VAX2: variants seen among roughly 807,000 people sequenced by gnomAD.
The protein encoded by VAX2 is ventral anterior homeobox 2.
Under a neutral mutation model 12.5 loss-of-function variants are expected in VAX2, and 8 were observed. That is an observed-to-expected ratio of 0.64 (90% CI 0.37 to 1.15). The LOEUF (loss-of-function observed/expected upper bound fraction) is 1.15, where lower values mean the gene tolerates loss of function less well. Ranked by LOEUF, VAX2 falls within the 50% of genes most tolerant of loss-of-function variation. VAX2 has a pLI of 0.01. For missense variants in VAX2, 476 were observed against 412.9 expected, an observed-to-expected ratio of 1.15 and a Z score of -1.32; for synonymous variants, 183 against 187.6, an observed-to-expected ratio of 0.98 and a Z score of 0.20.
chr2:70,923,003 C>A (rs1679492485), intron 2 of VAX2, among the ~76,000 whole-genome samples: 1 of 143,380 alleles, frequency 7.0e-6, no homozygotes, highest in Non-Finnish European at 1.5e-5. Flanking sequence ...CATGGCGTGA[C>A]CTGGAGAGAC....
chr2:70,920,540 C>T (rs1679433921), intron 1 of VAX2, among the ~76,000 whole-genome samples: 1 of 152,056 alleles, frequency 6.6e-6, no homozygotes. Flanking sequence ...GACCTCAGCT[C>T]CCCAGACTGT....
intron 1 of VAX2, among the ~76,000 whole-genome samples, chr2:70,905,900 C>T (rs1012437153): frequency 2.6e-5 from 4 of 152,222 alleles, no homozygotes; most frequent in African/African-American, 7.2e-5. Context: ...CTATGCATCA[C>T]GTTGGCCTGG....
chr2:70,927,650 C>T (rs1679603505), intron 2 of VAX2, among the ~76,000 whole-genome samples: 1 of 152,086 alleles, frequency 6.6e-6, no homozygotes, highest in African/African-American at 2.4e-5. Flanking sequence ...CCCAAAGAAG[C>T]TGGTGGATAA....
At position 70,900,714 on chromosome 2, in the gene VAX2, G is replaced by A. The variant is rs781938562; in HGVS notation, c.93G>A (p.Ala31=). ...GGCGCTGCGGAGACCGCAGCGGAGC[G>A]GGGGACTTGCGAGCTGATGGCGGTG... is the stretch of plus-strand genomic sequence containing the variant. ...GGGRCGDRSG[A]GDLRADGGGH... Residue 31 remains alanine (A), a synonymous_variant, in exon 1 of 3, where the codon GCG becomes GCA. Transcript: ENST00000234392. The A allele has an allele frequency of 1.4e-5, 20 of 1,389,564 alleles. No homozygotes were observed. In the Admixed American group the frequency reaches 5.8e-4, roughly 40 times the overall value. 86.1% of individuals were successfully genotyped at this position (1,389,564 alleles called of 1,614,324 possible). A position where few individuals can be genotyped will look rare whatever the true frequency, so the allele number is the denominator to read the frequency against.
In VAX2 at chr2:70,933,067, C is replaced by T; in HGVS notation, c.736C>T (p.Pro246Ser). 1 of 1,608,728 alleles carries T rather than the reference C, an allele frequency of 6.2e-7. No individual in the cohort carries two copies. The highest frequency in any genetic ancestry group is 8.5e-7 in the Non-Finnish European group (1 of 1,177,806). Residue 246 changes from proline to serine, a missense_variant, in exon 3 of 3, where the codon CCA becomes TCA. Transcript: ENST00000234392. ...GTCCCCCCCACTGCCGCCCCCTCTG[C>T]CAGCTGTCTGCTTTTCCTCGGCCCC... ...SASPPLPPPL[P>S]AVCFSSAPLL...
intron 2 of VAX2, 113 bp downstream of exon 2, chr2:70,921,398 C>T: frequency 1.6e-6 from 2 of 1,229,770 alleles, no homozygotes; most frequent in Non-Finnish European, 2.2e-6. Context: ...GGAGTTCAGA[C>T]AAGCATGAGG....
At chr2:70,902,602 C>G (rs1003810395) in intron 1 of VAX2, among the ~76,000 whole-genome samples, 1 of 152,210 alleles carries the variant, frequency 6.6e-6, no homozygotes, top group Non-Finnish European at 1.5e-5. Flanking sequence ...TTTCTTCCCC[C>G]CAGGACAATT....
chr2:70,923,426 A>T (rs1253222173), intron 2 of VAX2, among the ~76,000 whole-genome samples: 1 of 152,178 alleles, frequency 6.6e-6, no homozygotes, highest in Non-Finnish European at 1.5e-5. Flanking sequence ...GCAGTGCTCC[A>T]ATTCTCCAGC....
chr2:70,923,746 G>A (rs1553413199), intron 2 of VAX2, among the ~76,000 whole-genome samples: 1 of 152,196 alleles, frequency 6.6e-6, no homozygotes, highest in Non-Finnish European at 1.5e-5. Flanking sequence ...AGGGGGAGGT[G>A]CGTGGAGCTC....
chr2:70,927,983 G>A (rs1553413778), intron 2 of VAX2, among the ~76,000 whole-genome samples: 1 of 152,220 alleles, frequency 6.6e-6, no homozygotes, highest in African/African-American at 2.4e-5. Flanking sequence ...CCGCCACCCT[G>A]TGAAGTCGGC....
chr2:70,930,710 A>T (rs35921308), intron 2 of VAX2, among the ~76,000 whole-genome samples: 3,467 of 152,332 alleles, frequency 0.023, 50 homozygotes, highest in Non-Finnish European at 0.032. Context: ...CTGTCTTCTT[A>T]ACCTGGGCAG....
chr2:70,919,664 A>T (rs557808375), intron 1 of VAX2, among the ~76,000 whole-genome samples: 1 of 152,098 alleles, frequency 6.6e-6, no homozygotes, highest in East Asian at 1.9e-4. Context: ...AACACGGTGA[A>T]ATCCCCTATG....
intron 2 of VAX2, chr2:70,924,183 T>G (rs1051368364): frequency 6.6e-6 from 1 of 151,936 alleles, no homozygotes; most frequent in Middle Eastern, 3.4e-3. Context: ...AAAAAGACTA[T>G]AATCCAATCT....
intron 2 of VAX2, among the ~76,000 whole-genome samples, chr2:70,921,932 C>T (rs1350086567): frequency 4.6e-5 from 7 of 152,108 alleles, no homozygotes; most frequent in Non-Finnish European, 8.8e-5. Context: ...AATACTACCA[C>T]TACTACTACT....
chr2:70,923,034 T>TGTGCACGTGTGTGC (rs1159526653), intron 2 of VAX2, among the ~76,000 whole-genome samples: 1 of 152,026 alleles, frequency 6.6e-6, no homozygotes, highest in Non-Finnish European at 1.5e-5. Flanking sequence ...TGTGTGTGTG[T>TGTGCACGTGTGTGC]GCACGTGTGT....
chr2:70,907,657 C>A (rs782667172), intron 1 of VAX2, among the ~76,000 whole-genome samples: 1 of 152,366 alleles, frequency 6.6e-6, no homozygotes, highest in Non-Finnish European at 1.5e-5. Flanking sequence ...CGAGGCACAG[C>A]CTCCGGCAGG....
intron 1 of VAX2, among the ~76,000 whole-genome samples, chr2:70,912,397 C>T (rs1426772741): frequency 6.6e-6 from 1 of 152,188 alleles, no homozygotes; most frequent in African/African-American, 2.4e-5. Flanking sequence ...CATGGTGGCT[C>T]ATGCCTGTAA....
intron 1 of VAX2, among the ~76,000 whole-genome samples, chr2:70,901,129 G>C (rs1207166506): frequency 2.0e-5 from 3 of 152,266 alleles, no homozygotes; most frequent in African/African-American, 7.2e-5. Flanking sequence ...GGCCCATTCG[G>C]AACGGCTACT....
At chr2:70,923,969 TAA>T (rs1270429820) in intron 2 of VAX2, among the ~76,000 whole-genome samples, 1 of 152,064 alleles carries the variant, frequency 6.6e-6, no homozygotes, top group East Asian at 1.9e-4. Context: ...ACCTTATCTC[TAA>T]AAAAAGTTTT....
Sources: gnomAD v4.1 joint callset for allele counts (sites outside exome capture counted in the v4.1 genomes callset) on GRCh38, gnomAD v4.1.1 for gene constraint, MANE v1.5 for transcripts, NCBI Gene and HGNC (gene_info 2026-07-23, HGNC 2026-07-21) for gene names.